RAP1GDS1: variants seen among roughly 807,000 people sequenced by gnomAD.
The protein encoded by RAP1GDS1 is Rap1 GTPase-GDP dissociation stimulator 1.
A neutral mutation model predicts 71.1 loss-of-function variants in RAP1GDS1; 35 were observed. The observed-to-expected ratio is 0.49, with a 90% CI of 0.38 to 0.65. RAP1GDS1 has a LOEUF of 0.65. Ranked by LOEUF, RAP1GDS1 falls within the 30% of genes least tolerant of loss-of-function variation. RAP1GDS1 has a pLI of 0.00. For missense variants in RAP1GDS1, 663 were observed against 706.1 expected (o/e 0.94, Z 0.69); for synonymous variants, 229 against 243.1 (o/e 0.94, Z 0.54).
chr4:98,403,451 TAGAC>T lies in RAP1GDS1; in HGVS notation c.638-1022_638-1019del, dbSNP rs569960436. 2.7e-3 allele frequency among the ~76,000 whole-genome samples: 416 copies of T among 152,288 alleles called. 3 individuals carry two copies. The highest frequency in any genetic ancestry group is 9.6e-3 in the African/African-American group (400 of 41,580). ...ACTCCTAGATTTCTGCCTGTGCAGA[TAGAC>T]AGAGTGTTCATATACTGAGTTGAGG... On this transcript the variant is annotated intron_variant, in intron 6 of 14. Transcript: ENST00000408927.
chr4:98,294,394 AAAAT>A (rs1393506605), intron 2 of RAP1GDS1, among the ~76,000 whole-genome samples: 1 of 152,084 alleles, frequency 6.6e-6, no homozygotes, highest in African/African-American at 2.4e-5. Flanking sequence ...AGAAAAATCT[AAAAT>A]AATTGATTGC....
chr4:98,369,375 GT>G (rs1188312633), intron 4 of RAP1GDS1, among the ~76,000 whole-genome samples: 1 of 152,138 alleles, frequency 6.6e-6, no homozygotes, highest in Non-Finnish European at 1.5e-5. Context: ...TGATCTAGCT[GT>G]TTTATTCCTA....
chr4:98,306,540 C>G (rs1182936733), intron 2 of RAP1GDS1, among the ~76,000 whole-genome samples: 1 of 152,154 alleles, frequency 6.6e-6, no homozygotes, highest in Non-Finnish European at 1.5e-5. Flanking sequence ...CCACAGCACC[C>G]ACTATGTCCT....
At chr4:98,294,273 T>C (rs1727400368) in intron 2 of RAP1GDS1, among the ~76,000 whole-genome samples, 1 of 152,044 alleles carries the variant, frequency 6.6e-6, no homozygotes, top group Admixed American at 6.6e-5. Flanking sequence ...CTGAAACTAA[T>C]TATGTAGCTG....
At chr4:98,430,874 A>G (rs1284741555) in intron 12 of RAP1GDS1, among the ~76,000 whole-genome samples, 2 of 152,138 alleles carry the variant, frequency 1.3e-5, no homozygotes, top group South Asian at 2.1e-4. Context: ...CAACCCTTCA[A>G]AAGTTTGCAC....
At chr4:98,352,795 G>C (rs950556613) in intron 4 of RAP1GDS1, among the ~76,000 whole-genome samples, 194 bp downstream of exon 4, 42 of 152,274 alleles carry the variant, frequency 2.8e-4, no homozygotes, top group Admixed American at 2.6e-3. Flanking sequence ...CATAGGAAAT[G>C]AAATGTTTTC....
chr4:98,413,050 A>C (rs1455571942), intron 7 of RAP1GDS1, among the ~76,000 whole-genome samples: 3 of 152,074 alleles, frequency 2.0e-5, no homozygotes, highest in Non-Finnish European at 2.9e-5. Context: ...AACCGGTCTG[A>C]CCTCAAACTT....
At chr4:98,366,253 T>C (rs891393714) in intron 4 of RAP1GDS1, among the ~76,000 whole-genome samples, 1 of 152,088 alleles carries the variant, frequency 6.6e-6, no homozygotes, top group Non-Finnish European at 1.5e-5. Context: ...ATGGTTATTA[T>C]AAGGGGGAGT....
At chr4:98,373,450 A>G (rs935312550) in intron 4 of RAP1GDS1, among the ~76,000 whole-genome samples, 28 of 148,130 alleles carry the variant, frequency 1.9e-4, no homozygotes, top group South Asian at 8.5e-4. Flanking sequence ...TGGGTATGAT[A>G]GGTCTAGGTA....
rs36034058 is a variant in RAP1GDS1 at position 98,438,567 on chromosome 4, C to CATATATATATATATATAT, written c.1696+1504_1696+1521dup. On this transcript the variant is annotated intron_variant, in intron 14 of 14. Transcript: ENST00000408927. The stretch of plus-strand genomic sequence containing the variant: ...TTTTAATCATTTACATTTATTCTTC[C>CATATATATATATATATAT]ATATATATATATATATATATATCTT... 8.4e-3 allele frequency among the ~76,000 whole-genome samples: 873 copies of CATATATATATATATATAT among 104,498 alleles called. 6 individuals carry two copies. The highest frequency in any genetic ancestry group is 0.022 in the Admixed American group (171 of 7,924). The allele number at this position is 104,498 out of a possible 152,430, so 68.6% of individuals were successfully genotyped here. A position where few individuals can be genotyped will look rare whatever the true frequency, so the allele number is the denominator to read the frequency against.
intron 1 of RAP1GDS1, among the ~76,000 whole-genome samples, chr4:98,280,347 C>A (rs797003308): frequency 1.3e-5 from 2 of 152,322 alleles, no homozygotes; most frequent in African/African-American, 4.8e-5. Context: ...ATTTGCGTTT[C>A]TCTGATGACT....
chr4:98,315,413 A>G (rs1730794216), intron 2 of RAP1GDS1, among the ~76,000 whole-genome samples: 1 of 152,154 alleles, frequency 6.6e-6, no homozygotes, highest in Admixed American at 6.5e-5. Context: ...ACTTGGAAAC[A>G]ATTACAGTGC....
At chr4:98,311,473 AAGG>A (rs1730213233) in intron 2 of RAP1GDS1, among the ~76,000 whole-genome samples, 1 of 152,182 alleles carries the variant, frequency 6.6e-6, no homozygotes, top group Non-Finnish European at 1.5e-5. Flanking sequence ...ATTCTAAACA[AAGG>A]AGGGGGAGAA....
chr4:98,441,964 A>G, intron 14 of RAP1GDS1, 26 bp from the exon 15 acceptor site: 5 of 1,611,150 alleles, frequency 3.1e-6, no homozygotes, highest in Non-Finnish European at 4.2e-6. Context: ...TAACAGAATC[A>G]TATCTGTTAT....
intron 3 of RAP1GDS1, among the ~76,000 whole-genome samples, chr4:98,347,190 G>C (rs1434781360): frequency 6.6e-6 from 1 of 152,116 alleles, no homozygotes; most frequent in East Asian, 1.9e-4. Context: ...TTTAATATTT[G>C]AGGATATGTG....
intron 4 of RAP1GDS1, among the ~76,000 whole-genome samples, chr4:98,355,140 CATTTT>C (rs1203027238): frequency 2.0e-5 from 3 of 152,170 alleles, no homozygotes; most frequent in African/African-American, 4.8e-5. Context: ...ATGCATTTCT[CATTTT>C]ATTTTCTGAC....
Position 98,352,579 on chromosome 4 carries a change from A to G in RAP1GDS1, c.339A>G (p.Leu113=), listed in dbSNP as rs760715672. The change falls in exon 4 of 15, where the codon CTA becomes CTG. Residue 113 remains leucine, a synonymous_variant. Coordinates refer to ENST00000408927, the MANE Select transcript of RAP1GDS1 (RefSeq NM_001100427.2). ...QEVLLQTGRA[L]GNICYDSHEG... ...TGCTGCTTCAAACGGGCAGGGCTCT[A>G]GGAAACATATGTTACGATAGCCGTA... is the stretch of plus-strand genomic sequence containing the variant. The G allele has an allele frequency of 6.2e-7, 1 of 1,614,024 alleles. No individual in the cohort carries two copies. The highest frequency in any genetic ancestry group is 2.2e-5 in the East Asian group (1 of 44,868).
intron 12 of RAP1GDS1, among the ~76,000 whole-genome samples, chr4:98,423,645 A>G (rs899969793): frequency 6.6e-6 from 1 of 152,050 alleles, no homozygotes; most frequent in African/African-American, 2.4e-5. Flanking sequence ...CCCGGGATCA[A>G]GTGATTCTCC....
intron 2 of RAP1GDS1, among the ~76,000 whole-genome samples, chr4:98,317,200 C>T (rs986617947): frequency 6.6e-6 from 1 of 152,044 alleles, no homozygotes; most frequent in Non-Finnish European, 1.5e-5. Context: ...CCATGCATTC[C>T]CTCTTATCTT....
Sources: allele counts gnomAD v4.1 joint callset (sites outside exome capture counted in the v4.1 genomes callset), GRCh38; gene constraint gnomAD v4.1.1; transcripts MANE v1.5; gene names NCBI Gene and HGNC (gene_info 2026-07-23, HGNC 2026-07-21).